ZNF407: variants seen among roughly 807,000 people sequenced by gnomAD.
The protein encoded by ZNF407 is zinc finger protein 407.
Under a neutral mutation model 131.2 loss-of-function variants are expected in ZNF407, and 17 were observed. That is an observed-to-expected ratio of 0.13 (90% confidence interval 0.09 to 0.19). ZNF407 has a LOEUF of 0.19. Ranked by LOEUF, ZNF407 falls within the 10% of genes least tolerant of loss-of-function variation. ZNF407 has a pLI of 1.00. For synonymous variants in ZNF407, 1,156 were observed against 1,062.0 expected, an observed-to-expected ratio of 1.09 and a Z score of -1.72; for missense variants, 2,681 against 2,830.6, an observed-to-expected ratio of 0.95 and a Z score of 1.20.
At chr18:74,759,313 T>G (rs1969038027) in intron 3 of ZNF407, among the ~76,000 whole-genome samples, 1 of 152,182 alleles carries the variant, frequency 6.6e-6, no homozygotes, top group African/African-American at 2.4e-5. Context: ...TATGTGGTAT[T>G]CTGTGGACAT....
intron 8 of ZNF407, among the ~76,000 whole-genome samples, chr18:75,031,641 C>G (rs1452538054): frequency 6.6e-6 from 1 of 152,160 alleles, no homozygotes; most frequent in Admixed American, 6.5e-5. Flanking sequence ...TATCAAGAAA[C>G]GAGTATTTAT....
chr18:75,031,299 T>G (rs1393356743), intron 8 of ZNF407, among the ~76,000 whole-genome samples: 1 of 152,244 alleles, frequency 6.6e-6, no homozygotes, highest in Non-Finnish European at 1.5e-5. Flanking sequence ...ATAGAATCAC[T>G]GGATTTCAAT....
intron 3 of ZNF407, among the ~76,000 whole-genome samples, chr18:74,771,341 T>A (rs1490131881): frequency 1.3e-5 from 2 of 152,090 alleles, no homozygotes; most frequent in African/African-American, 4.8e-5. Context: ...TAAGGTAAAT[T>A]TCTGACAGAT....
chr18:74,868,312 A>G (rs1228191398), intron 4 of ZNF407, among the ~76,000 whole-genome samples: 5 of 152,206 alleles, frequency 3.3e-5, no homozygotes, highest in South Asian at 4.1e-4. Context: ...AGGTTTTTCC[A>G]TAGACATACA....
At chr18:74,845,277 TC>T (rs1401703855) in intron 4 of ZNF407, among the ~76,000 whole-genome samples, 1 of 152,252 alleles carries the variant, frequency 6.6e-6, no homozygotes, top group African/African-American at 2.4e-5. Context: ...GTGTTTGGAA[TC>T]AACCAGCGGT....
intron 4 of ZNF407, among the ~76,000 whole-genome samples, chr18:74,815,288 G>A (rs574678665): frequency 6.6e-6 from 1 of 152,200 alleles, no homozygotes; most frequent in South Asian, 2.1e-4. Flanking sequence ...ACTTTGAAAA[G>A]TTGGATATTA....
At position 74,635,561 on chromosome 18, in the gene ZNF407, G is replaced by T. The variant is rs557670806; in HGVS notation, c.4542G>T (p.Arg1514=). 1 of 1,613,898 alleles carries T rather than the reference G, an allele frequency of 6.2e-7. No homozygotes were observed. The highest frequency in any genetic ancestry group is 1.7e-5 in the Admixed American group (1 of 60,000). ...AAGGACAGCATGAGGAATTGCTGCGGGAGGTGAATAAGTATATAGTGGAAG... is the reference window on the plus strand; with the variant it reads ...AAGGACAGCATGAGGAATTGCTGCGTGAGGTGAATAAGTATATAGTGGAAG... The part of the protein sequence containing the change: ...HIKGQHEELL[R]EVNKYIVEDT... Residue 1514 remains arginine, a synonymous_variant, in exon 2 of 9, where the codon CGG becomes CGT. Coordinates refer to ENST00000299687, the MANE Select transcript of ZNF407 (RefSeq NM_017757.3). This position sits in a 1 kb window ranked among gnomAD's most constrained non-coding sequence, Gnocchi z 4.7.
chr18:74,870,592 C>T (rs1221544345), intron 4 of ZNF407, among the ~76,000 whole-genome samples: 1 of 152,110 alleles, frequency 6.6e-6, no homozygotes, highest in Non-Finnish European at 1.5e-5. Context: ...CTTAAATGAT[C>T]TAGATATTAG....
rs571614541 is a variant in ZNF407, at chr18:74,947,605, C to T, written c.5428+26913C>T. ...CGCCTGCCAGAGAACAAAACATCGG[C>T]TGCTCTCTCCCCTCGGAGGGAGGAG... On this transcript the variant is annotated intron_variant, in intron 8 of 8. Coordinates refer to ENST00000299687, the MANE Select transcript of ZNF407 (RefSeq NM_017757.3). 2.1e-3 allele frequency among the ~76,000 whole-genome samples: 325 copies of T among 152,324 alleles called. 2 individuals carry two copies. The highest frequency in any genetic ancestry group is 7.1e-3 in the African/African-American group (296 of 41,568).
At chr18:74,902,230 C>A (rs765765132) in intron 7 of ZNF407, among the ~76,000 whole-genome samples, 2 of 152,150 alleles carry the variant, frequency 1.3e-5, no homozygotes, top group Non-Finnish European at 2.9e-5. Context: ...TGATAGGGAC[C>A]GTGCCTGGGC....
chr18:74,932,278 ATTTATTGAAAACAC>A (rs1168155839), intron 8 of ZNF407, among the ~76,000 whole-genome samples: 2 of 152,124 alleles, frequency 1.3e-5, no homozygotes, highest in Non-Finnish European at 2.9e-5. Flanking sequence ...TTTCAGCAGT[ATTTATTGAAAACAC>A]TGTCCTTCCT....
intron 8 of ZNF407, among the ~76,000 whole-genome samples, chr18:74,999,348 T>TAAAAAAAAA (rs71170334): frequency 5.0e-5 from 3 of 60,450 alleles, no homozygotes; most frequent in Admixed American, 1.8e-4. Context: ...TAGAGTATAA[T>TAAAAAAAAA]AAAAAAAAAA....
Position 74,797,712 on chromosome 18 carries a change from G to T in ZNF407, c.4877+16210G>T, listed in dbSNP as rs138913479. 2.5e-4 allele frequency among the ~76,000 whole-genome samples: 38 copies of T among 152,224 alleles called. No individual in the cohort carries two copies. The East Asian group carries it at 7.1e-3, about 29-fold the overall frequency. ...AAAAAGGTCTTTCGTATTATTAAAG[G>T]TTCAGGTTTCACAAAATGAGCCAGT... is the stretch of plus-strand genomic sequence containing the variant. On this transcript the variant is annotated intron_variant, in intron 4 of 8. Coordinates refer to ENST00000299687, the MANE Select transcript of ZNF407 (RefSeq NM_017757.3).
chr18:74,955,051 A>G (rs1187614263), intron 8 of ZNF407, among the ~76,000 whole-genome samples: 1 of 152,146 alleles, frequency 6.6e-6, no homozygotes, highest in African/African-American at 2.4e-5. Flanking sequence ...ATAAGGACCT[A>G]AGTGTGGATC....
At chr18:74,742,240 G>T (rs1422592825) in intron 3 of ZNF407, among the ~76,000 whole-genome samples, 1 of 152,072 alleles carries the variant, frequency 6.6e-6, no homozygotes, top group Non-Finnish European at 1.5e-5. Context: ...ATTACATAAG[G>T]GAGTCTTGTC....
At chr18:74,979,269 T>C (rs558385933) in intron 8 of ZNF407, among the ~76,000 whole-genome samples, 44 of 152,256 alleles carry the variant, frequency 2.9e-4, no homozygotes, top group Admixed American at 5.2e-4. Context: ...TTATCAACAT[T>C]TAAAATTAAG....
intron 4 of ZNF407, among the ~76,000 whole-genome samples, chr18:74,794,695 T>G (rs1378781877): frequency 6.6e-6 from 1 of 152,158 alleles, no homozygotes; most frequent in Non-Finnish European, 1.5e-5. Flanking sequence ...GGTCTGTATC[T>G]CCATATTTTA....
intron 6 of ZNF407, among the ~76,000 whole-genome samples, chr18:74,887,016 A>G (rs1971319644): frequency 6.6e-6 from 1 of 152,186 alleles, no homozygotes; most frequent in African/African-American, 2.4e-5. Flanking sequence ...TCTCATGTGT[A>G]CAGCACTTTG....
chr18:74,610,403 C>T lies in ZNF407; in HGVS notation c.-54+12466C>T, dbSNP rs191742744. Among the ~76,000 whole-genome samples the T allele has an allele frequency of 3.1e-4, 47 of 152,272 alleles. No homozygotes were observed. The East Asian group carries it at 5.6e-3, about 18-fold the overall frequency. Reference sequence around the variant, plus strand: ...ATTTCCCCTCTCCCTCTCGGTCTCTCTTGTGCGTGCATGCGTGCAAGCAGC... The same window carrying T: ...ATTTCCCCTCTCCCTCTCGGTCTCTTTTGTGCGTGCATGCGTGCAAGCAGC... On this transcript the variant is annotated intron_variant, in intron 1 of 8. Coordinates refer to ENST00000299687, the MANE Select transcript of ZNF407 (RefSeq NM_017757.3).
Sources: gnomAD v4.1 joint callset for allele counts (sites outside exome capture counted in the v4.1 genomes callset) on GRCh38, gnomAD v4.1.1 for gene constraint, Gnocchi (gnomAD v3.1) non-coding constraint, MANE v1.5 for transcripts, NCBI Gene and HGNC (gene_info 2026-07-23, HGNC 2026-07-21) for gene names.